The following SPEF2 variants were observed in gnomAD, a reference collection of about 807,000 sequenced individuals.
The protein encoded by SPEF2 is sperm flagella and cilia-associated protein 2.
SPEF2 carries 187 observed loss-of-function variants against 224.6 expected under a neutral mutation model. That is an observed-to-expected ratio of 0.83 (90% CI 0.74 to 0.94). The LOEUF is 0.94. Ranked by LOEUF, SPEF2 falls within the 40% of genes least tolerant of loss-of-function variation. The pLI, the probability that SPEF2 is intolerant of heterozygous loss-of-function variation, is 0.00. For missense variants in SPEF2, 2,170 were observed against 2,135.6 expected (o/e 1.02, Z -0.32); for synonymous variants, 715 against 707.3 (o/e 1.01, Z -0.17).
At chr5:35,739,831 C>CT in intron 21 of SPEF2, 88 bp from the exon 22 acceptor site, 1 of 1,504,792 alleles carries the variant, frequency 6.6e-7, no homozygotes, top group South Asian at 1.3e-5. Context: ...GCATCTTGAC[C>CT]TTTTTGCTTG....
intron 8 of SPEF2, among the ~76,000 whole-genome samples, chr5:35,662,124 T>C (rs545947105): frequency 4.1e-4 from 62 of 152,340 alleles, no homozygotes; most frequent in South Asian, 1.2e-3. Flanking sequence ...TCATTCTGAC[T>C]GGTATGAGAT....
At chr5:35,670,365 G>A (rs1751072249) in intron 10 of SPEF2, 138 bp downstream of exon 10, 2 of 1,398,924 alleles carry the variant, frequency 1.4e-6, no homozygotes, top group African/African-American at 3.0e-5. Context: ...GTTTTAATTT[G>A]TATGTTTGTA....
intron 30 of SPEF2, among the ~76,000 whole-genome samples, chr5:35,784,564 A>T (rs2149812176): frequency 6.6e-6 from 1 of 152,342 alleles, no homozygotes; most frequent in East Asian, 1.9e-4. Flanking sequence ...ATTGCTGCCT[A>T]TGTGAGTCAG....
At chr5:35,760,973 C>CA (rs1228158315) in intron 25 of SPEF2, among the ~76,000 whole-genome samples, 9 of 151,284 alleles carry the variant, frequency 5.9e-5, no homozygotes, top group African/African-American at 1.9e-4. Context: ...CGATAAGAAA[C>CA]AAAAAACATT....
intron 9 of SPEF2, among the ~76,000 whole-genome samples, chr5:35,668,079 C>T (rs1186965196): frequency 2.0e-5 from 3 of 152,056 alleles, no homozygotes; most frequent in African/African-American, 7.2e-5. Context: ...AATGGTATAG[C>T]CCCTCTGGAA....
At chr5:35,733,099 GT>G (rs905393684) in intron 21 of SPEF2, among the ~76,000 whole-genome samples, 4 of 149,358 alleles carry the variant, frequency 2.7e-5, no homozygotes, top group Non-Finnish European at 5.9e-5. Flanking sequence ...TACAACACAG[GT>G]TTTTTTTTGT....
At chr5:35,795,395 G>A (rs1756527166) in intron 32 of SPEF2, among the ~76,000 whole-genome samples, 2 of 152,230 alleles carry the variant, frequency 1.3e-5, no homozygotes, top group South Asian at 2.1e-4. Context: ...GTCATCACAC[G>A]ATCCAATCGT....
At chr5:35,783,142 G>A (rs1754580949) in intron 30 of SPEF2, among the ~76,000 whole-genome samples, 1 of 152,146 alleles carries the variant, frequency 6.6e-6, no homozygotes, top group African/African-American at 2.4e-5. Flanking sequence ...TAGATCTAGT[G>A]AATATTTTCT....
At chr5:35,684,111 T>C (rs1753230136) in intron 10 of SPEF2, 1 of 152,148 alleles carries the variant, frequency 6.6e-6, no homozygotes, top group African/African-American at 2.4e-5. Flanking sequence ...ATAATAAATA[T>C]GTAAAGTAGA....
At chr5:35,744,534 T>C (rs1406571597) in intron 23 of SPEF2, among the ~76,000 whole-genome samples, 2 of 152,236 alleles carry the variant, frequency 1.3e-5, no homozygotes, top group Non-Finnish European at 2.9e-5. Flanking sequence ...AGACATGATG[T>C]TACTTGCAAA....
At chr5:35,636,232 A>C (rs1358500794) in intron 2 of SPEF2, among the ~76,000 whole-genome samples, 1 of 152,178 alleles carries the variant, frequency 6.6e-6, no homozygotes, top group East Asian at 1.9e-4. Flanking sequence ...TTGAATAGAG[A>C]TATCTTTCAA....
chr5:35,788,605 A>G (rs1016532099), intron 30 of SPEF2: 9 of 702,938 alleles, frequency 1.3e-5, no homozygotes, highest in Admixed American at 4.0e-5. Flanking sequence ...CCATTGAGAA[A>G]ACTCTAGAGA....
rs935711096 is a variant in SPEF2, at chr5:35,799,871, C to T, written c.4831-97C>T. The T allele has an allele frequency of 7.4e-6, 10 of 1,347,580 alleles. No individual in the cohort carries two copies. The Admixed American group carries it at 1.6e-4, about 21-fold the overall frequency. 83.5% of individuals were successfully genotyped at this position (1,347,580 alleles called of 1,614,324 possible). ...ACTAATTCAATCCTCAGAAGGCAAC[C>T]TTATTCCAAAGCTCCTGGGGAGATT... On this transcript the variant is annotated intron_variant, in intron 33 of 36. Coordinates refer to ENST00000356031, the MANE Select transcript of SPEF2 (RefSeq NM_024867.4).
At chr5:35,654,519 A>G (rs763433268) in intron 6 of SPEF2, 21 bp from the exon 7 acceptor site, 1 of 1,523,652 alleles carries the variant, frequency 6.6e-7, no homozygotes, top group Admixed American at 2.3e-5. Flanking sequence ...AAAAATCTAA[A>G]ATAAAAACTA....
intron 20 of SPEF2, among the ~76,000 whole-genome samples, chr5:35,723,347 G>C (rs1205462000): frequency 6.6e-6 from 1 of 152,178 alleles, no homozygotes; most frequent in African/African-American, 2.4e-5. Flanking sequence ...CTGGAAACTT[G>C]TTAGAAATAT....
rs555712622 is a variant in SPEF2 at position 35,749,677 on chromosome 5, C to T, written c.3331-3947C>T. Among the ~76,000 whole-genome samples, 122 of 151,986 alleles carry T rather than the reference C, an allele frequency of 8.0e-4. No homozygotes were observed. The South Asian group carries it at 0.025, about 31-fold the overall frequency. On this transcript the variant is annotated intron_variant, in intron 23 of 36. Transcript: ENST00000356031. ...CAAAAGACCTCTACAAGGAAAACTACAAAACACTGCTGAAAAAAATCATAA... is the reference window on the plus strand; with the variant it reads ...CAAAAGACCTCTACAAGGAAAACTATAAAACACTGCTGAAAAAAATCATAA...
chr5:35,721,738 T>C (rs1743711515), intron 20 of SPEF2, among the ~76,000 whole-genome samples: 1 of 75,160 alleles, frequency 1.3e-5, no homozygotes, highest in Non-Finnish European at 3.6e-5. Flanking sequence ...ACACAGTACA[T>C]ACATAGACAG....
intron 6 of SPEF2, among the ~76,000 whole-genome samples, chr5:35,649,635 C>T (rs374720061): frequency 1.1e-4 from 17 of 152,268 alleles, no homozygotes; most frequent in East Asian, 3.9e-4. Context: ...GAGACTATTA[C>T]GAAATGTAAA....
chr5:35,715,253 A>G (rs911619929), intron 20 of SPEF2, among the ~76,000 whole-genome samples: 1 of 129,116 alleles, frequency 7.7e-6, no homozygotes, highest in African/African-American at 2.8e-5. Context: ...TATTGTAAAG[A>G]ATTTTGTTAA....
Sources: gnomAD v4.1 joint callset for allele counts (sites outside exome capture counted in the v4.1 genomes callset) on GRCh38, gnomAD v4.1.1 for gene constraint, MANE v1.5 for transcripts, NCBI Gene and HGNC (gene_info 2026-07-23, HGNC 2026-07-21) for gene names.